The following SETD2 variants were observed in gnomAD, a reference collection of about 807,000 sequenced individuals.
SETD2 encodes the protein SET domain containing 2, histone lysine methyltransferase.
SETD2 carries 31 observed loss-of-function variants against 242.1 expected under a neutral mutation model. That is an observed-to-expected ratio of 0.13 (90% confidence interval 0.10 to 0.17). SETD2 has a LOEUF of 0.17. Ranked by LOEUF, SETD2 falls within the 10% of genes least tolerant of loss-of-function variation. The probability of loss-of-function intolerance (pLI) is 1.00; values close to 1 mark genes in which losing one functional copy is unlikely to be tolerated. For synonymous variants in SETD2, 1,006 were observed against 1,066.5 expected, an observed-to-expected ratio of 0.94 and a Z score of 1.11; for missense variants, 2,481 against 3,046.3, an observed-to-expected ratio of 0.81 and a Z score of 4.37.
intron 5 of SETD2, among the ~76,000 whole-genome samples, chr3:47,107,730 TGGGGGGG>T (rs1217074463): frequency 0.073 from 2,104 of 28,990 alleles, 41 homozygotes; most frequent in Non-Finnish European, 0.22. Context: ...CGGGGGGGGG[TGGGGGGG>T]GGGTGGCAGG....
chr3:47,019,482 T>C (rs555618287), intron 19 of SETD2, among the ~76,000 whole-genome samples: 2 of 152,270 alleles, frequency 1.3e-5, no homozygotes, highest in East Asian at 3.9e-4. Context: ...CAAGGCAGCC[T>C]ACCACTACAG....
chr3:47,096,167 C>T (rs1489313936), intron 9 of SETD2, among the ~76,000 whole-genome samples: 1 of 152,182 alleles, frequency 6.6e-6, no homozygotes, highest in African/African-American at 2.4e-5. Flanking sequence ...GAGGGGACTC[C>T]ACTCTACAGT....
intron 16 of SETD2, among the ~76,000 whole-genome samples, chr3:47,045,857 G>T (rs57031438): frequency 6.8e-6 from 1 of 146,820 alleles, no homozygotes; most frequent in Admixed American, 6.8e-5. Flanking sequence ...CTCACTGCAA[G>T]CTCCGCCTCC....
At position 47,046,590 on chromosome 3, in the gene SETD2, T is replaced by C. The variant is rs1316070128; in HGVS notation, c.6995A>G (p.Gln2332Arg). ...SYAQPSLQYI[Q>R]GQQIFTAHPQ... ...ATGAGCTGTGAAAATCTGTTGCCCC[T>C]GGATATACTGAAGACTTGGCTGGGC... Residue 2332 changes from glutamine (Q) to arginine (R), a missense_variant, in exon 16 of 21, where the codon CAG becomes CGG. By Grantham distance (43) the Gln-to-Arg change is conservative. This residue lies in a region of SETD2 where 235 missense variants were observed against 293.9 expected (regional missense o/e 0.80). Transcript: ENST00000409792. The C allele has an allele frequency of 1.9e-6, 3 of 1,613,038 alleles. No individual in the cohort carries two copies. The highest frequency in any genetic ancestry group is 2.5e-6 in the Non-Finnish European group (3 of 1,179,418).
At chr3:47,030,116 T>C (rs1181168283) in intron 18 of SETD2, among the ~76,000 whole-genome samples, 2 of 150,738 alleles carry the variant, frequency 1.3e-5, no homozygotes, top group Non-Finnish European at 3.0e-5. Flanking sequence ...ACCACCGAAC[T>C]CCAGCCTGGG....
At chr3:47,038,749 A>AT in intron 17 of SETD2, among the ~76,000 whole-genome samples, 1 of 152,304 alleles carries the variant, frequency 6.6e-6, no homozygotes, top group African/African-American at 2.4e-5. Context: ...GCAAGCAAAG[A>AT]TTTTTCTTTT....
chr3:47,140,198 C>T (rs1235241686), intron 1 of SETD2, among the ~76,000 whole-genome samples: 1 of 152,020 alleles, frequency 6.6e-6, no homozygotes, highest in African/African-American at 2.4e-5. Flanking sequence ...GACTATAATC[C>T]CAAATGTTAA....
At chr3:47,089,369 C>A (rs969810709) in intron 9 of SETD2, among the ~76,000 whole-genome samples, 5 of 151,944 alleles carry the variant, frequency 3.3e-5, no homozygotes, top group African/African-American at 1.2e-4. Context: ...ATCACCTGAG[C>A]CTGGGAAATT....
chr3:47,118,286 C>A (rs538646012), intron 3 of SETD2, among the ~76,000 whole-genome samples: 2 of 152,144 alleles, frequency 1.3e-5, no homozygotes, highest in African/African-American at 4.8e-5. Context: ...TGGAATAGGA[C>A]GAATGGGCAT....
At chr3:47,137,126 G>A (rs1352172546) in intron 1 of SETD2, among the ~76,000 whole-genome samples, 2 of 148,312 alleles carry the variant, frequency 1.3e-5, no homozygotes, top group African/African-American at 5.3e-5. Context: ...TATTTCCTTT[G>A]AGATTCTCCC....
intron 12 of SETD2, chr3:47,081,087 G>C (rs1028602447): frequency 1.0e-6 from 1 of 986,782 alleles, no homozygotes; most frequent in Non-Finnish European, 1.2e-6. Context: ...TGAGAAGCTA[G>C]ATGGAAATGG....
intron 1 of SETD2, among the ~76,000 whole-genome samples, chr3:47,129,346 T>C (rs1559755551): frequency 6.6e-6 from 1 of 152,182 alleles, no homozygotes; most frequent in African/African-American, 2.4e-5. Context: ...AAAAGAAAAG[T>C]CCACAATCCA....
rs1026109204 is a variant in SETD2, at chr3:47,017,634, G to C, written c.7533+4C>G. 1 of 1,603,876 alleles carries C rather than the reference G, an allele frequency of 6.2e-7. No homozygotes were observed. The highest frequency in any genetic ancestry group is 8.5e-7 in the Non-Finnish European group (1 of 1,170,574). On this transcript the variant is annotated splice_donor_region_variant and intron_variant, in intron 20 of 20. Coordinates refer to ENST00000409792, the MANE Select transcript of SETD2 (RefSeq NM_014159.7). This position sits in a 1 kb window ranked among gnomAD's most constrained non-coding sequence, Gnocchi z 4.8. ...TGGTGGGCTACCAAAAGCAAGGGGA[G>C]TACCTTGCGAGCCAGATGTTTAAAG... is the stretch of plus-strand genomic sequence containing the variant.
chr3:47,084,937 G>C (rs560644225), intron 11 of SETD2, among the ~76,000 whole-genome samples: 4 of 149,418 alleles, frequency 2.7e-5, no homozygotes, highest in Non-Finnish European at 5.9e-5. Flanking sequence ...CTCCATGTTG[G>C]TCAGGCTGGT....
intron 12 of SETD2, among the ~76,000 whole-genome samples, chr3:47,076,729 T>C (rs2041094127): frequency 6.6e-6 from 1 of 152,132 alleles, no homozygotes; most frequent in African/African-American, 2.4e-5. Context: ...GAAAAAAAAG[T>C]ATTCCAAGTA....
intron 18 of SETD2, among the ~76,000 whole-genome samples, chr3:47,023,355 G>A (rs1033434550): frequency 3.8e-4 from 58 of 152,058 alleles, no homozygotes; most frequent in African/African-American, 1.1e-3. Context: ...AGCTGAGATC[G>A]TGCCACTGCA....
Position 47,084,320 on chromosome 3 carries a change from T to C in SETD2, c.5460A>G (p.Val1820=). Reference sequence around the variant, plus strand: ...GAGACCAGCGTTGAATAATTGGAAGTACTTTGCTTTCCTCCAACATATTTT... The same window carrying C: ...GAGACCAGCGTTGAATAATTGGAAGCACTTTGCTTTCCTCCAACATATTTT... ...PTKNMLEESK[V]LPIIQRWSQT... The change falls in exon 12 of 21, where the codon GTA becomes GTG. Residue 1820 remains valine, a synonymous_variant. Transcript: ENST00000409792. The C allele has an allele frequency of 1.2e-6, 2 of 1,613,962 alleles. No individual in the cohort carries two copies. The highest frequency in any genetic ancestry group is 1.7e-6 in the Non-Finnish European group (2 of 1,179,888).
At chr3:47,075,564 C>CAAAAA (rs55635941) in intron 12 of SETD2, among the ~76,000 whole-genome samples, 2 of 76,430 alleles carry the variant, frequency 2.6e-5, no homozygotes, top group Non-Finnish European at 5.0e-5. Flanking sequence ...AACTCCGTCT[C>CAAAAA]AAAAAAAAAA....
At chr3:47,055,813 C>A (rs1186695398) in intron 15 of SETD2, among the ~76,000 whole-genome samples, 2 of 151,600 alleles carry the variant, frequency 1.3e-5, no homozygotes, top group East Asian at 3.9e-4. Flanking sequence ...GAGATTGAGA[C>A]CATCCTGGCT....
Sources: allele counts gnomAD v4.1 joint callset (sites outside exome capture counted in the v4.1 genomes callset), GRCh38; gene constraint gnomAD v4.1.1; regional missense constraint gnomAD v4.1.1; non-coding constraint Gnocchi (gnomAD v3.1); transcripts MANE v1.5; gene names NCBI Gene and HGNC (gene_info 2026-07-23, HGNC 2026-07-21).